KANTR: variants seen among roughly 807,000 people sequenced by gnomAD.
KANTR encodes KDM5C adjacent transcript.
intron 2 of KANTR, among the ~76,000 whole-genome samples, chrX:53,118,374 G>A (rs1280469226): frequency 9.0e-6 from 1 of 111,664 alleles, no homozygotes; most frequent in Non-Finnish European, 1.9e-5. Flanking sequence ...GGACATATTA[G>A]CATTTTCTTA....
chrX:53,111,861 A>G (rs1306770524), intron 2 of KANTR, among the ~76,000 whole-genome samples: 1 of 112,424 alleles, frequency 8.9e-6, no homozygotes, highest in Non-Finnish European at 1.9e-5. Context: ...GGCGGGTTAG[A>G]CAAGCTAACT....
intron 2 of KANTR, among the ~76,000 whole-genome samples, chrX:53,122,256 T>G (rs1280335705): frequency 1.8e-5 from 2 of 111,969 alleles, no homozygotes; most frequent in Non-Finnish European, 3.8e-5. Context: ...TTGCCAGCAC[T>G]AGGAAATGCT....
chrX:53,133,016 T>C (rs1455807685), intron 2 of KANTR, among the ~76,000 whole-genome samples: 6 of 110,975 alleles, frequency 5.4e-5, no homozygotes, highest in Non-Finnish European at 9.4e-5. Context: ...GAAAAATGCC[T>C]GTGTCGGGGA....
chrX:53,105,719 C>T (rs1932942821), intron 2 of KANTR, among the ~76,000 whole-genome samples: 1 of 104,566 alleles, frequency 9.6e-6, no homozygotes, highest in Non-Finnish European at 2.0e-5. Context: ...AGGCTGATCT[C>T]GAACTCCTGA....
At chrX:53,095,266 C>T (rs933078160) in intron 1 of KANTR, among the ~76,000 whole-genome samples, 2 of 112,027 alleles carry the variant, frequency 1.8e-5, no homozygotes, top group Non-Finnish European at 3.8e-5. Context: ...CTGGTTATGT[C>T]TCCATACAGC....
chrX:53,130,027 C>T (rs1291809536), downstream of KANTR, among the ~76,000 whole-genome samples: 1 of 109,420 alleles, frequency 9.1e-6, no homozygotes, highest in Non-Finnish European at 1.9e-5. Flanking sequence ...CCGTCACACA[C>T]GGATAATTTT....
chrX:53,104,470 A>G (rs1246315167), intron 2 of KANTR, among the ~76,000 whole-genome samples: 3 of 109,181 alleles, frequency 2.7e-5, no homozygotes, highest in East Asian at 2.9e-4. Flanking sequence ...CAAGTGATCC[A>G]CCCGCCTCGG....
downstream of KANTR, chrX:53,143,319 A>C: frequency 1.6e-6 from 1 of 641,960 alleles, no homozygotes. Flanking sequence ...CTTGGCCGTG[A>C]TGGTGAAGCT....
At chrX:53,110,298 A>G (rs1556813512) in intron 2 of KANTR, among the ~76,000 whole-genome samples, 1 of 111,128 alleles carries the variant, frequency 9.0e-6, no homozygotes. Flanking sequence ...TATATATGGT[A>G]TTTATTACGT....
At chrX:53,147,011 A>T (rs1289396734), downstream of KANTR, among the ~76,000 whole-genome samples, 1 of 112,228 alleles carries the variant, frequency 8.9e-6, no homozygotes, top group Non-Finnish European at 1.9e-5. Flanking sequence ...CACTGCAAAA[A>T]CATGCCAAAT....
intron 2 of KANTR, among the ~76,000 whole-genome samples, chrX:53,114,943 G>A (rs1284041032): frequency 9.2e-6 from 1 of 108,792 alleles, no homozygotes; most frequent in Non-Finnish European, 1.9e-5. Flanking sequence ...CCTGGGAACT[G>A]TGTGGTGCTG....
downstream of KANTR, chrX:53,144,035 T>A: frequency 5.0e-6 from 1 of 199,726 alleles, no homozygotes; most frequent in Non-Finnish European, 9.5e-6. Flanking sequence ...TGATTTTTGA[T>A]GGAAATTTAT....
chrX:53,142,460 C>T (rs1413705685), exon 3 of KANTR: 4 of 212,084 alleles, frequency 1.9e-5, no homozygotes, highest in Non-Finnish European at 3.5e-5. Context: ...GGATTATAGG[C>T]GAATGCCACC....
intron 2 of KANTR, among the ~76,000 whole-genome samples, chrX:53,140,234 C>G (rs1013581893): frequency 2.7e-5 from 3 of 111,911 alleles, no homozygotes; most frequent in African/African-American, 9.8e-5. Flanking sequence ...CGGTGGCTCA[C>G]GCCTGCAATC....
chrX:53,110,149 A>AT (rs1168093487), intron 2 of KANTR, among the ~76,000 whole-genome samples: 1 of 111,659 alleles, frequency 9.0e-6, no homozygotes, highest in Non-Finnish European at 1.9e-5. Context: ...TTCCTGTCCA[A>AT]TTTGGGTGCC....
intron 2 of KANTR, among the ~76,000 whole-genome samples, chrX:53,116,075 T>C (rs1556814527): frequency 8.9e-6 from 1 of 111,929 alleles, no homozygotes; most frequent in Non-Finnish European, 1.9e-5. Context: ...GGATTTGGTC[T>C]CCCCCTGCAT....
chrX:53,109,881 G>A (rs1287990971), intron 2 of KANTR, among the ~76,000 whole-genome samples: 1 of 109,494 alleles, frequency 9.1e-6, no homozygotes, highest in Admixed American at 9.8e-5. Context: ...AGCCTCCCGA[G>A]TAGCTGGGAC....
downstream of KANTR, among the ~76,000 whole-genome samples, chrX:53,129,279 C>T (rs1423497489): frequency 2.4e-5 from 1 of 42,157 alleles, no homozygotes; most frequent in Non-Finnish European, 6.3e-5. Context: ...TTAGTAGAGA[C>T]GGGGTTTCAC....
intron 1 of KANTR, among the ~76,000 whole-genome samples, chrX:53,096,856 C>T (rs1245387316): frequency 5.0e-5 from 5 of 99,125 alleles, no homozygotes; most frequent in African/African-American, 1.9e-4. Context: ...GGGTCGGGCA[C>T]TGTGGCTCAC....
Sources: allele counts gnomAD v4.1 joint callset (sites outside exome capture counted in the v4.1 genomes callset), GRCh38; gene constraint gnomAD v4.1.1; transcripts MANE v1.5; gene names NCBI Gene and HGNC (gene_info 2026-07-23, HGNC 2026-07-21).